CIMIP2C: variants seen among roughly 807,000 people sequenced by gnomAD.
The protein encoded by CIMIP2C is UPF0573 protein C2orf70.
chr2:26,577,438 G>C, the CIMIP2C span: 1 of 1,326,430 alleles, frequency 7.5e-7, no homozygotes, highest in South Asian at 1.2e-5. Context: ...CCCAGGTGCA[G>C]CGAGGCATGG....
At chr2:26,572,098 G>T in the CIMIP2C span, 14 of 1,542,602 alleles carry the variant, frequency 9.1e-6, no homozygotes, top group Non-Finnish European at 1.1e-5. Flanking sequence ...TTTTTCTAAC[G>T]ATGTGTTTCA....
At chr2:26,569,791 G>C in the CIMIP2C span, among the ~76,000 whole-genome samples, 1 of 152,126 alleles carries the variant, frequency 6.6e-6, no homozygotes, top group Non-Finnish European at 1.5e-5. Context: ...AGATGAAGGG[G>C]TTGAAGGGGA....
At chr2:26,578,123 C>G in the CIMIP2C span, 338 of 157,320 alleles carry the variant, frequency 2.1e-3, no homozygotes, top group African/African-American at 7.8e-3. Flanking sequence ...TCCTTGCCTC[C>G]TGCCCCTCTC....
chr2:26,579,140 A>G, the CIMIP2C span: 1 of 773,120 alleles, frequency 1.3e-6, no homozygotes, highest in Non-Finnish European at 2.1e-6. Flanking sequence ...GGTTATTCCC[A>G]CCCCAAGTCC....
the CIMIP2C span, among the ~76,000 whole-genome samples, chr2:26,566,723 G>A: frequency 3.0e-4 from 45 of 152,282 alleles, no homozygotes; most frequent in African/African-American, 1.0e-3. Context: ...GTTTTAGTGT[G>A]TTTTTCTTTC....
At chr2:26,577,620 C>T in the CIMIP2C span, 3 of 1,613,248 alleles carry the variant, frequency 1.9e-6, no homozygotes, top group Non-Finnish European at 2.5e-6. Flanking sequence ...ACCCCCTCCC[C>T]ACCGTCCTGT....
chr2:26,579,262 C>T, the CIMIP2C span: 1 of 1,607,556 alleles, frequency 6.2e-7, no homozygotes, highest in South Asian at 1.1e-5. Context: ...CCCTGGCACA[C>T]TGCATAACAC....
chr2:26,571,402 A>G, the CIMIP2C span, among the ~76,000 whole-genome samples: 1 of 152,226 alleles, frequency 6.6e-6, no homozygotes, highest in Non-Finnish European at 1.5e-5. Context: ...AACCTTGACC[A>G]TGGTCCCACT....
the CIMIP2C span, chr2:26,578,805 C>T: frequency 2.1e-6 from 1 of 471,154 alleles, no homozygotes; most frequent in Non-Finnish European, 4.4e-6. Flanking sequence ...CTGCTGCTGA[C>T]AGTTTCACAA....
chr2:26,578,549 T>C, the CIMIP2C span: 1 of 295,750 alleles, frequency 3.4e-6, no homozygotes, highest in East Asian at 9.0e-5. Flanking sequence ...CTGCGTGGCC[T>C]GGATGGTTGG....
the CIMIP2C span, among the ~76,000 whole-genome samples, chr2:26,570,091 C>T: frequency 6.6e-6 from 1 of 152,120 alleles, no homozygotes; most frequent in African/African-American, 2.4e-5. Flanking sequence ...AGCAGTAAGC[C>T]CTGAACAGAA....
chr2:26,568,066 A>C, the CIMIP2C span, among the ~76,000 whole-genome samples: 21 of 152,208 alleles, frequency 1.4e-4, no homozygotes, highest in Non-Finnish European at 2.2e-4. Flanking sequence ...GTCTGACTGA[A>C]GGCACAGCAG....
chr2:26,564,487 C>G, the CIMIP2C span, among the ~76,000 whole-genome samples: 1 of 152,314 alleles, frequency 6.6e-6, no homozygotes, highest in African/African-American at 2.4e-5. Context: ...AGGCTTCAAG[C>G]CTGGACTGGG....
the CIMIP2C span, chr2:26,575,955 C>T: frequency 1.2e-6 from 2 of 1,614,078 alleles, no homozygotes; most frequent in South Asian, 2.2e-5. Flanking sequence ...CCCTACGGCA[C>T]CACCACCCTC....
the CIMIP2C span, among the ~76,000 whole-genome samples, chr2:26,573,156 G>A: frequency 6.6e-6 from 1 of 152,160 alleles, no homozygotes; most frequent in East Asian, 1.9e-4. Context: ...TTCAATGGTG[G>A]GTCTGAAGGC....
chr2:26,577,372 C>T, the CIMIP2C span: 1 of 708,194 alleles, frequency 1.4e-6, no homozygotes, highest in Non-Finnish European at 2.3e-6. Context: ...TGAGTTGGGG[C>T]CCCAGCAACT....
chr2:26,567,362 G>A, the CIMIP2C span, among the ~76,000 whole-genome samples: 7 of 152,186 alleles, frequency 4.6e-5, no homozygotes, highest in Admixed American at 2.6e-4. Flanking sequence ...CTCTCCTGCC[G>A]CCATGAGAAC....
the CIMIP2C span, among the ~76,000 whole-genome samples, chr2:26,574,579 C>A: frequency 6.6e-6 from 1 of 152,312 alleles, no homozygotes; most frequent in African/African-American, 2.4e-5. Flanking sequence ...AACTCCCAGG[C>A]GGGAGCTGTG....
the CIMIP2C span, among the ~76,000 whole-genome samples, chr2:26,577,295 G>A: frequency 2.6e-5 from 4 of 152,192 alleles, no homozygotes; most frequent in African/African-American, 9.7e-5. Flanking sequence ...GGTCTGGTGG[G>A]TGTCGTTATT....
Sources: gnomAD v4.1 joint callset for allele counts (sites outside exome capture counted in the v4.1 genomes callset) on GRCh38, gnomAD v4.1.1 for gene constraint, MANE v1.5 for transcripts, NCBI Gene and HGNC (gene_info 2026-07-23, HGNC 2026-07-21) for gene names.